SPRY3: variants seen among roughly 807,000 people sequenced by gnomAD.
SPRY3 encodes the protein sprouty RTK signaling antagonist 3.
In SPRY3, 15 loss-of-function variants were observed where a neutral mutation model predicts 20.2. The observed-to-expected ratio is 0.74, with a 90% confidence interval of 0.50 to 1.14. The LOEUF is 1.14. Ranked by LOEUF, SPRY3 falls within the 50% of genes most tolerant of loss-of-function variation. SPRY3 has a pLI of 0.00. For missense variants in SPRY3, 364 were observed against 363.9 expected (o/e 1.00, Z 0.00); for synonymous variants, 143 against 136.5 (o/e 1.05, Z -0.33).
At chrX:155,722,746 A>C (rs1014723266) in intron 2 of SPRY3, among the ~76,000 whole-genome samples, 15 of 152,154 alleles carry the variant, frequency 9.9e-5, no homozygotes, top group Non-Finnish European at 2.1e-4. Context: ...AATGGATAAA[A>C]AAAGTAATAT....
chrX:155,765,505 C>T (rs1243848672), intron 2 of SPRY3, among the ~76,000 whole-genome samples: 1 of 152,160 alleles, frequency 6.6e-6, no homozygotes, highest in Non-Finnish European at 1.5e-5. Context: ...ACATGTCACC[C>T]TGCCCACTTG....
chrX:155,750,143 C>G (rs995187504), intron 2 of SPRY3, among the ~76,000 whole-genome samples: 1 of 151,838 alleles, frequency 6.6e-6, no homozygotes, highest in African/African-American at 2.4e-5. Flanking sequence ...ATGGATGCAG[C>G]TAGAAGCCAT....
chrX:155,663,750 G>A (rs1278838147), intron 2 of SPRY3, among the ~76,000 whole-genome samples: 2 of 111,261 alleles, frequency 1.8e-5, no homozygotes, highest in African/African-American at 6.5e-5. Context: ...TGTTGTAACA[G>A]CTCTCTAGGA....
At chrX:155,656,805 G>GT (rs1557353046) in intron 1 of SPRY3, among the ~76,000 whole-genome samples, 1 of 111,649 alleles carries the variant, frequency 9.0e-6, no homozygotes, top group East Asian at 2.8e-4. Flanking sequence ...TTTTGTTGAT[G>GT]TTGATGTTAT....
intron 2 of SPRY3, among the ~76,000 whole-genome samples, chrX:155,724,003 G>T (rs1256505123): frequency 6.6e-6 from 1 of 152,094 alleles, no homozygotes; most frequent in East Asian, 1.9e-4. Context: ...TTCTCCATAT[G>T]GCTAGCCAGT....
rs912669390 is a variant in SPRY3 at position 155,672,128 on chromosome X, G to A, written c.-282+15103G>A. 7.3e-4 allele frequency among the ~76,000 whole-genome samples: 81 copies of A among 111,441 alleles called. No homozygotes were observed. The Middle Eastern group carries it at 0.023, about 31-fold the overall frequency. On this transcript the variant is annotated intron_variant, in intron 2 of 3. Coordinates refer to ENST00000675360, the Ensembl canonical transcript of SPRY3. ...TGGCTTAGGATTGACTTGGCAATGC[G>A]GGTTCTTTTGTGGTTCCATATGAAC...
chrX:155,757,906 C>T (rs73249628), intron 2 of SPRY3, among the ~76,000 whole-genome samples: 44,141 of 152,028 alleles, frequency 0.29, 7,572 homozygotes, highest in African/African-American at 0.48. Flanking sequence ...ATTTCCTCCA[C>T]ATCTCAGTAA....
chrX:155,768,808 AG>A (rs2091363768), intron 3 of SPRY3, among the ~76,000 whole-genome samples: 1 of 152,238 alleles, frequency 6.6e-6, no homozygotes, highest in East Asian at 1.9e-4. Context: ...GATAAGACCT[AG>A]GGCAATGGTT....
chrX:155,704,154 A>G (rs2124534267), intron 2 of SPRY3, among the ~76,000 whole-genome samples: 1 of 151,996 alleles, frequency 6.6e-6, no homozygotes, highest in Non-Finnish European at 1.5e-5. Flanking sequence ...CACATTCCCA[A>G]AGATACAAGA....
intron 2 of SPRY3, among the ~76,000 whole-genome samples, chrX:155,757,923 C>G (rs901475114): frequency 3.9e-5 from 6 of 152,124 alleles, no homozygotes; most frequent in Non-Finnish European, 5.9e-5. Flanking sequence ...GTAAATGGAA[C>G]AACTTTTCTT....
intron 2 of SPRY3, among the ~76,000 whole-genome samples, chrX:155,766,687 G>A (rs1437793217): frequency 6.6e-6 from 1 of 152,148 alleles, no homozygotes. Flanking sequence ...GTGGACTGAG[G>A]GTAATTTACA....
At chrX:155,778,853 G>C (rs2091446168), downstream of SPRY3, 1 of 166,968 alleles carries the variant, frequency 6.0e-6, no homozygotes, top group South Asian at 2.1e-4. Context: ...CTTTATACCA[G>C]AGTTCCTAAT....
At chrX:155,741,131 G>A (rs2091202744) in intron 2 of SPRY3, among the ~76,000 whole-genome samples, 1 of 152,124 alleles carries the variant, frequency 6.6e-6, no homozygotes, top group African/African-American at 2.4e-5. Flanking sequence ...CTGATAACCA[G>A]GATAGCCAGT....
chrX:155,767,542 G>C (rs1274858890), intron 2 of SPRY3, among the ~76,000 whole-genome samples: 4 of 151,494 alleles, frequency 2.6e-5, no homozygotes, highest in Admixed American at 6.6e-5. Context: ...TGGAGGCGGA[G>C]GCGGAGGCGA....
At chrX:155,766,667 GA>G in intron 2 of SPRY3, among the ~76,000 whole-genome samples, 1 of 152,266 alleles carries the variant, frequency 6.6e-6, no homozygotes, top group East Asian at 1.9e-4. Flanking sequence ...CTTTCCTATT[GA>G]ATTAAATAGT....
chrX:155,733,317 G>GTA (rs1342257026), intron 2 of SPRY3, among the ~76,000 whole-genome samples: 8 of 149,258 alleles, frequency 5.4e-5, no homozygotes, highest in Non-Finnish European at 1.2e-4. Context: ...AGGTGGGTAT[G>GTA]TATATATATA....
chrX:155,726,596 T>G (rs896528604), intron 2 of SPRY3, among the ~76,000 whole-genome samples: 4 of 152,178 alleles, frequency 2.6e-5, no homozygotes, highest in Non-Finnish European at 5.9e-5. Flanking sequence ...TCTCTTTTGA[T>G]CTGTGTTGGT....
intron 3 of SPRY3, among the ~76,000 whole-genome samples, chrX:155,769,660 AC>A (rs1201916063): frequency 1.3e-5 from 2 of 152,180 alleles, no homozygotes; most frequent in Admixed American, 1.3e-4. Context: ...TCACTAAAAG[AC>A]CTATATCTTT....
exon 4 of SPRY3, chrX:155,776,358 C>CT (rs1436048919): frequency 1.2e-5 from 2 of 167,108 alleles, no homozygotes; most frequent in African/African-American, 4.8e-5. Context: ...TTGCTCCTGG[C>CT]TTTGTCTGCA....
Sources: allele counts gnomAD v4.1 joint callset (sites outside exome capture counted in the v4.1 genomes callset), GRCh38; gene constraint gnomAD v4.1.1; transcripts MANE v1.5; gene names NCBI Gene and HGNC (gene_info 2026-07-23, HGNC 2026-07-21).